Variants in SH3GL2 observed in about 807,000 individuals in gnomAD.
SH3GL2 encodes the protein endophilin-A1.
In SH3GL2, 24 loss-of-function variants were observed where a neutral mutation model predicts 46.0. The observed-to-expected ratio is 0.52, with a 90% confidence interval of 0.38 to 0.73. The LOEUF (loss-of-function observed/expected upper bound fraction) is 0.73, where lower values mean the gene tolerates loss of function less well. Ranked by LOEUF, SH3GL2 falls within the 30% of genes least tolerant of loss-of-function variation. SH3GL2 has a pLI of 0.00. For synonymous variants in SH3GL2, 196 were observed against 147.1 expected, an observed-to-expected ratio of 1.33 and a Z score of -2.40; for missense variants, 413 against 424.2, an observed-to-expected ratio of 0.97 and a Z score of 0.23.
intron 2 of SH3GL2, 141 bp downstream of exon 2, chr9:17,747,275 A>T: frequency 1.7e-6 from 1 of 579,852 alleles, no homozygotes; most frequent in East Asian, 2.9e-5. Context: ...ACTACTTTTC[A>T]TGTATGTTTT....
chr9:17,669,201 C>G (rs1164221325), intron 1 of SH3GL2, among the ~76,000 whole-genome samples: 2 of 152,006 alleles, frequency 1.3e-5, no homozygotes, highest in African/African-American at 4.8e-5. Context: ...GTGGTAACAT[C>G]TTGAAAAACG....
intron 2 of SH3GL2, among the ~76,000 whole-genome samples, chr9:17,747,376 C>G (rs1822721035): frequency 6.6e-6 from 1 of 152,156 alleles, no homozygotes. Flanking sequence ...TGAACTTTTT[C>G]TGGTGGGTTT....
intron 1 of SH3GL2, among the ~76,000 whole-genome samples, chr9:17,584,843 G>A (rs1158898027): frequency 3.3e-5 from 5 of 152,158 alleles, no homozygotes; most frequent in Admixed American, 6.5e-5. Context: ...GAGAGTCCTC[G>A]TGATTGAAGT....
At chr9:17,581,391 G>C (rs1449679875) in intron 1 of SH3GL2, among the ~76,000 whole-genome samples, 3 of 152,204 alleles carry the variant, frequency 2.0e-5, no homozygotes, top group African/African-American at 7.2e-5. Context: ...TTACTGAAAA[G>C]CCTTTTATTT....
At chr9:17,771,229 T>C (rs1028877162) in intron 3 of SH3GL2, among the ~76,000 whole-genome samples, 6 of 152,294 alleles carry the variant, frequency 3.9e-5, no homozygotes, top group Admixed American at 3.9e-4. Context: ...TCACTGTCTT[T>C]TCAGCTTAAG....
At chr9:17,760,473 GTATATACTGATAT>G (rs1823138835) in intron 2 of SH3GL2, among the ~76,000 whole-genome samples, 2 of 151,678 alleles carry the variant, frequency 1.3e-5, no homozygotes, top group Non-Finnish European at 2.9e-5. Context: ...TATTATACTG[GTATATACTGATAT>G]TATATACTGG....
rs200389014 is a variant in SH3GL2, at chr9:17,634,977, TTTG to T, written c.45+55693_45+55695del. 4.3e-3 allele frequency among the ~76,000 whole-genome samples: 657 copies of T among 152,320 alleles called. 1 individual carries two copies. The highest frequency in any genetic ancestry group is 0.015 in the African/African-American group (625 of 41,558). ...AGTAGTTATTTGAGCATTCCTTTTG[TTTG>T]TTTTTAATTTTAAAGTTCAAGGATA... On this transcript the variant is annotated intron_variant, in intron 1 of 8. Coordinates refer to ENST00000380607, the MANE Select transcript of SH3GL2 (RefSeq NM_003026.5).
intron 3 of SH3GL2, among the ~76,000 whole-genome samples, chr9:17,766,392 C>G (rs553779717): frequency 6.6e-6 from 1 of 152,348 alleles, no homozygotes; most frequent in African/African-American, 2.4e-5. Flanking sequence ...AAATTCCATT[C>G]TACTGGTTGT....
intron 1 of SH3GL2, among the ~76,000 whole-genome samples, chr9:17,678,034 G>C (rs1231684599): frequency 6.6e-6 from 1 of 152,134 alleles, no homozygotes; most frequent in Non-Finnish European, 1.5e-5. Flanking sequence ...ATCATTATTG[G>C]ACATTTGGGT....
intron 1 of SH3GL2, among the ~76,000 whole-genome samples, chr9:17,593,612 C>CT (rs1195298476): frequency 1.3e-5 from 2 of 152,086 alleles, no homozygotes; most frequent in Non-Finnish European, 2.9e-5. Flanking sequence ...CATAATTTGA[C>CT]TATGGAAATG....
chr9:17,679,647 C>T (rs1029053745), intron 1 of SH3GL2, among the ~76,000 whole-genome samples: 38 of 152,214 alleles, frequency 2.5e-4, no homozygotes, highest in Middle Eastern at 3.4e-3. Context: ...TTGCCCTGGC[C>T]AGAACTTTCA....
At chr9:17,633,603 T>A (rs1386578659) in intron 1 of SH3GL2, among the ~76,000 whole-genome samples, 3 of 152,202 alleles carry the variant, frequency 2.0e-5, no homozygotes, top group African/African-American at 2.4e-5. Flanking sequence ...TTTGGCACAT[T>A]TGTAGTAGAG....
intron 1 of SH3GL2, among the ~76,000 whole-genome samples, chr9:17,653,427 C>G (rs1820000674): frequency 6.6e-6 from 1 of 151,976 alleles, no homozygotes; most frequent in Admixed American, 6.6e-5. Context: ...TTCTTTTTAC[C>G]TTTAAGATGC....
Position 17,793,421 on chromosome 9 carries a change from G to A in SH3GL2, c.783G>A (p.Met261Ile). 6.2e-7 allele frequency: 1 copy of A among 1,612,434 alleles called. No homozygotes were observed. The highest frequency in any genetic ancestry group is 8.5e-7 in the Non-Finnish European group (1 of 1,179,294). Residue 261 changes from methionine to isoleucine, a missense_variant, in exon 8 of 9, where the codon ATG (methionine) becomes ATA (isoleucine). By Grantham distance (10) the Met-to-Ile change is conservative. Around this residue, in one of 3 missense-constraint regions of SH3GL2, gnomAD observed 248 missense variants for 215.0 expected, o/e 1.15. Coordinates refer to ENST00000380607, the MANE Select transcript of SH3GL2 (RefSeq NM_003026.5). The part of the protein sequence containing the change: ...PRREYQPKPR[M>I]SLEFPTGDST... Reference sequence around the variant, plus strand: ...GGGAATATCAACCTAAACCACGAATGAGCCTGGAGTTTCCAACTGGAGACA... The same window carrying A: ...GGGAATATCAACCTAAACCACGAATAAGCCTGGAGTTTCCAACTGGAGACA...
chr9:17,706,182 A>C (rs1374689957), intron 1 of SH3GL2, among the ~76,000 whole-genome samples: 3 of 152,080 alleles, frequency 2.0e-5, no homozygotes, highest in South Asian at 4.1e-4. Context: ...TGGCAAAGGG[A>C]CATGCCCAAG....
At chr9:17,581,207 G>A (rs1212094277) in intron 1 of SH3GL2, among the ~76,000 whole-genome samples, 1 of 152,032 alleles carries the variant, frequency 6.6e-6, no homozygotes, top group Non-Finnish European at 1.5e-5. Flanking sequence ...AAAATAGAGC[G>A]CTCCATTTCC....
At chr9:17,675,924 G>A (rs932967823) in intron 1 of SH3GL2, among the ~76,000 whole-genome samples, 4 of 152,224 alleles carry the variant, frequency 2.6e-5, no homozygotes, top group African/African-American at 7.2e-5. Context: ...CAGCCTGGGC[G>A]ACAGAGCGAG....
intron 1 of SH3GL2, among the ~76,000 whole-genome samples, chr9:17,628,842 G>C (rs1819353532): frequency 6.6e-6 from 1 of 152,086 alleles, no homozygotes; most frequent in African/African-American, 2.4e-5. Context: ...GCCAAAAATT[G>C]ATATTGGATC....
At chr9:17,606,946 A>T (rs1472411525) in intron 1 of SH3GL2, among the ~76,000 whole-genome samples, 1 of 152,210 alleles carries the variant, frequency 6.6e-6, no homozygotes, top group African/African-American at 2.4e-5. Context: ...CTTTGGAAAG[A>T]TGCAAGCCCT....
Sources: allele counts gnomAD v4.1 joint callset (sites outside exome capture counted in the v4.1 genomes callset), GRCh38; gene constraint gnomAD v4.1.1; regional missense constraint gnomAD v4.1.1; transcripts MANE v1.5; gene names NCBI Gene and HGNC (gene_info 2026-07-23, HGNC 2026-07-21).